The following WWOX variants were observed in gnomAD, a reference collection of about 807,000 sequenced individuals.
WWOX encodes WW domain containing oxidoreductase.
Under a neutral mutation model 46.2 loss-of-function variants are expected in WWOX, and 69 were observed. That is an observed-to-expected ratio of 1.49 (90% CI 1.23 to 1.82). WWOX has a LOEUF of 1.82. WWOX is among the 40% of genes most tolerant of loss of function. WWOX has a pLI of 0.00. For missense variants in WWOX, 919 were observed against 542.6 expected, an observed-to-expected ratio of 1.69 and a Z score of -6.89; for synonymous variants, 359 against 202.6, an observed-to-expected ratio of 1.77 and a Z score of -6.56.
intron 8 of WWOX, among the ~76,000 whole-genome samples, chr16:78,989,275 CCTT>C (rs2046838496): frequency 6.6e-6 from 1 of 152,046 alleles, no homozygotes; most frequent in Non-Finnish European, 1.5e-5. Context: ...AATTAGAAGG[CCTT>C]CTTTTTAGTT....
intron 8 of WWOX, among the ~76,000 whole-genome samples, chr16:78,806,856 C>A (rs115419714): frequency 1.3e-5 from 2 of 152,098 alleles, no homozygotes; most frequent in African/African-American, 4.8e-5. Context: ...ATGCAGTCTG[C>A]CACATAAGCA....
intron 5 of WWOX, among the ~76,000 whole-genome samples, chr16:78,336,429 C>A (rs1311680660): frequency 1.4e-5 from 2 of 146,934 alleles, no homozygotes; most frequent in Non-Finnish European, 3.0e-5. Context: ...TCTCTTGAAT[C>A]CAGGAGGTGA....
At position 79,212,376 on chromosome 16, in the gene WWOX, G is replaced by T; in HGVS notation, c.*580G>T. ...ACACCCAGAGGGAGTAGAATACGCA[G>T]AACTACCAGGTGGCAAAGTACTTGT... On this transcript the variant is annotated 3_prime_UTR_variant, in exon 9 of 9. Coordinates refer to ENST00000566780, the MANE Select transcript of WWOX (RefSeq NM_016373.4). 1 of 509,756 alleles carries T rather than the reference G, an allele frequency of 2.0e-6. No homozygotes were observed. 31.6% of individuals were successfully genotyped at this position (509,756 alleles called of 1,614,324 possible). A position where few individuals can be genotyped will look rare whatever the true frequency, so the allele number is the denominator to read the frequency against.
At chr16:78,642,421 T>C (rs1465053105) in intron 8 of WWOX, among the ~76,000 whole-genome samples, 1 of 152,216 alleles carries the variant, frequency 6.6e-6, no homozygotes, top group African/African-American at 2.4e-5. Context: ...TTCTTTCTCT[T>C]TGGGCTCCCT....
intron 8 of WWOX, among the ~76,000 whole-genome samples, chr16:79,050,724 C>T (rs1486710647): frequency 2.0e-5 from 3 of 152,102 alleles, no homozygotes; most frequent in Non-Finnish European, 2.9e-5. Context: ...AATGGGGCTA[C>T]ATAGGTTGGG....
At chr16:78,290,894 G>C (rs1939604143) in intron 5 of WWOX, among the ~76,000 whole-genome samples, 1 of 152,104 alleles carries the variant, frequency 6.6e-6, no homozygotes, top group Non-Finnish European at 1.5e-5. Context: ...TTATTTCGTT[G>C]CTAAGGCAAA....
intron 8 of WWOX, among the ~76,000 whole-genome samples, chr16:78,747,534 C>T (rs574405786): frequency 6.8e-4 from 103 of 152,250 alleles, no homozygotes; most frequent in Admixed American, 2.5e-3. Context: ...AATGAGCCTT[C>T]GTAATGTTCA....
chr16:78,441,204 G>C (rs2083437437), intron 8 of WWOX, among the ~76,000 whole-genome samples: 1 of 152,160 alleles, frequency 6.6e-6, no homozygotes, highest in African/African-American at 2.4e-5. Context: ...TTACAGATGT[G>C]AGCCACTGCA....
intron 8 of WWOX, among the ~76,000 whole-genome samples, chr16:78,656,915 C>T (rs1357788688): frequency 2.0e-5 from 3 of 152,144 alleles, no homozygotes; most frequent in South Asian, 2.1e-4. Flanking sequence ...GGAAGGCTGT[C>T]GATACACCGC....
At chr16:78,377,123 A>G (rs905076278) in intron 5 of WWOX, among the ~76,000 whole-genome samples, 2 of 152,258 alleles carry the variant, frequency 1.3e-5, no homozygotes, top group African/African-American at 4.8e-5. Context: ...TTCATTAAGA[A>G]CACAGCTATT....
intron 8 of WWOX, among the ~76,000 whole-genome samples, chr16:78,805,475 G>C (rs1237097959): frequency 1.3e-5 from 2 of 151,718 alleles, no homozygotes; most frequent in African/African-American, 2.4e-5. Context: ...CGTAGAGTCA[G>C]GGTTTCACAG....
At chr16:78,763,388 T>C (rs1253254732) in intron 8 of WWOX, among the ~76,000 whole-genome samples, 2 of 152,262 alleles carry the variant, frequency 1.3e-5, no homozygotes, top group Non-Finnish European at 2.9e-5. Context: ...CCAGAACTCA[T>C]TGAATACCTG....
chr16:78,639,449 G>A (rs772177169), intron 8 of WWOX, among the ~76,000 whole-genome samples: 1 of 152,170 alleles, frequency 6.6e-6, no homozygotes, highest in African/African-American at 2.4e-5. Flanking sequence ...AAGTAAGAGT[G>A]TTTGAGATCC....
chr16:78,487,675 A>G (rs942862960), intron 8 of WWOX, among the ~76,000 whole-genome samples: 43 of 152,112 alleles, frequency 2.8e-4, no homozygotes, highest in African/African-American at 9.7e-4. Context: ...ATTAGATACC[A>G]TCTCTCCCAG....
intron 8 of WWOX, among the ~76,000 whole-genome samples, chr16:78,815,985 C>T (rs1191892439): frequency 6.6e-6 from 1 of 152,294 alleles, no homozygotes; most frequent in Non-Finnish European, 1.5e-5. Flanking sequence ...TGTGTCCTTC[C>T]TGGGATATTG....
intron 8 of WWOX, among the ~76,000 whole-genome samples, chr16:78,478,363 G>A (rs935459815): frequency 3.9e-5 from 6 of 152,084 alleles, no homozygotes; most frequent in African/African-American, 1.2e-4. Flanking sequence ...AAATAACTGA[G>A]CTCATTTGAT....
chr16:78,678,985 C>T (rs2047667331), intron 8 of WWOX, among the ~76,000 whole-genome samples: 1 of 152,134 alleles, frequency 6.6e-6, no homozygotes, highest in Non-Finnish European at 1.5e-5. Context: ...CCCTTTTCCT[C>T]CCACAACCAT....
chr16:78,955,998 AAACAC>A (rs2046158742), intron 8 of WWOX, among the ~76,000 whole-genome samples: 2 of 152,250 alleles, frequency 1.3e-5, no homozygotes, highest in African/African-American at 2.4e-5. Flanking sequence ...AAACAAAAAA[AAACAC>A]AAAAAAAACT....
At chr16:78,163,509 A>G (rs1002074718) in intron 4 of WWOX, among the ~76,000 whole-genome samples, 3 of 152,184 alleles carry the variant, frequency 2.0e-5, no homozygotes, top group African/African-American at 7.2e-5. Flanking sequence ...TCCAACCACT[A>G]TGTTTGGAAA....
Sources: allele counts gnomAD v4.1 joint callset (sites outside exome capture counted in the v4.1 genomes callset), GRCh38; gene constraint gnomAD v4.1.1; transcripts MANE v1.5; gene names NCBI Gene and HGNC (gene_info 2026-07-23, HGNC 2026-07-21).